SLC2A13: variants seen among roughly 807,000 people sequenced by gnomAD.
The protein encoded by SLC2A13 is proton myo-inositol cotransporter.
SLC2A13 carries 32 observed loss-of-function variants against 64.4 expected under a neutral mutation model. That is an observed-to-expected ratio of 0.50 (90% CI 0.37 to 0.67). SLC2A13 has a LOEUF of 0.67. Ranked by LOEUF, SLC2A13 falls within the 30% of genes least tolerant of loss-of-function variation. The pLI, the probability that SLC2A13 is intolerant of heterozygous loss-of-function variation, is 0.00. For missense variants in SLC2A13, 743 were observed against 829.2 expected, an observed-to-expected ratio of 0.90 and a Z score of 1.28; for synonymous variants, 338 against 327.1, an observed-to-expected ratio of 1.03 and a Z score of -0.36.
At chr12:39,885,451 A>G (rs527274847) in intron 4 of SLC2A13, among the ~76,000 whole-genome samples, 44 of 152,208 alleles carry the variant, frequency 2.9e-4, no homozygotes, top group African/African-American at 9.4e-4. Flanking sequence ...TATTTGGTAT[A>G]TTTTTTCCTT....
intron 6 of SLC2A13, among the ~76,000 whole-genome samples, chr12:39,858,931 T>C (rs1388512158): frequency 6.6e-6 from 1 of 152,164 alleles, no homozygotes; most frequent in Non-Finnish European, 1.5e-5. Context: ...TAAGGTTGCA[T>C]AAAAGTTTTA....
chr12:39,901,008 T>C (rs1001748717), intron 4 of SLC2A13, among the ~76,000 whole-genome samples: 1 of 152,026 alleles, frequency 6.6e-6, no homozygotes, highest in Admixed American at 6.6e-5. Context: ...TCAATGGAAC[T>C]GAACAGAGCC....
At chr12:40,021,918 CT>C (rs1947726352) in intron 3 of SLC2A13, among the ~76,000 whole-genome samples, 1 of 152,144 alleles carries the variant, frequency 6.6e-6, no homozygotes. Context: ...TATTTACCCC[CT>C]CTGACCTCTC....
chr12:40,075,001 TG>T (rs1938114702), intron 1 of SLC2A13, among the ~76,000 whole-genome samples: 1 of 152,206 alleles, frequency 6.6e-6, no homozygotes, highest in Non-Finnish European at 1.5e-5. Flanking sequence ...TTGGGTGCTT[TG>T]CTTACCCCAG....
intron 3 of SLC2A13, among the ~76,000 whole-genome samples, chr12:39,980,669 T>A (rs1946874869): frequency 6.6e-6 from 1 of 150,710 alleles, no homozygotes; most frequent in African/African-American, 2.4e-5. Flanking sequence ...CCCAGATTCA[T>A]AAAGCAAGTC....
intron 4 of SLC2A13, among the ~76,000 whole-genome samples, chr12:39,883,285 C>G (rs576697877): frequency 1.1e-4 from 17 of 152,178 alleles, no homozygotes; most frequent in Non-Finnish European, 1.2e-4. Flanking sequence ...TCTGAATACG[C>G]CTCACCACCA....
chr12:39,885,626 A>C (rs11174134), intron 4 of SLC2A13, among the ~76,000 whole-genome samples: 41,426 of 152,012 alleles, frequency 0.27, 5,908 homozygotes, highest in East Asian at 0.45. Flanking sequence ...GAGAAAAATT[A>C]TCTCTGGCCT....
chr12:40,060,268 G>A (rs1318155059), intron 1 of SLC2A13, among the ~76,000 whole-genome samples: 1 of 152,110 alleles, frequency 6.6e-6, no homozygotes, highest in Non-Finnish European at 1.5e-5. Flanking sequence ...ATTTTCAAAG[G>A]GCTGACTTTA....
At chr12:39,768,537 T>G (rs973422895) in intron 7 of SLC2A13, among the ~76,000 whole-genome samples, 2 of 152,066 alleles carry the variant, frequency 1.3e-5, no homozygotes, top group African/African-American at 4.8e-5. Context: ...CACTTGAACA[T>G]TTAGAGGCCA....
chr12:39,939,472 G>A (rs1045775045), intron 4 of SLC2A13, among the ~76,000 whole-genome samples: 5 of 152,170 alleles, frequency 3.3e-5, no homozygotes, highest in Admixed American at 6.5e-5. Flanking sequence ...CTTATAAACC[G>A]TGTGCACATG....
intron 6 of SLC2A13, among the ~76,000 whole-genome samples, chr12:39,854,621 T>A (rs1213680039): frequency 3.3e-5 from 5 of 152,138 alleles, no homozygotes; most frequent in Non-Finnish European, 7.3e-5. Flanking sequence ...CCAATCTATA[T>A]CCCAAAACTC....
rs370810951 is a variant in SLC2A13 at position 39,756,977 on chromosome 12, A to G, written c.*3049T>C. On this transcript the variant is annotated 3_prime_UTR_variant, in exon 10 of 10. Coordinates refer to ENST00000280871, the MANE Select transcript of SLC2A13 (RefSeq NM_052885.4). ...CATTACCTTTTATTATTTATTATTT[A>G]AATATTTTACATATATTAAAAATAA... The G allele has an allele frequency of 1.3e-5, 2 of 151,682 alleles. No individual in the cohort carries two copies. 9.4% of individuals were successfully genotyped at this position (151,682 alleles called of 1,614,324 possible). A position where few individuals can be genotyped will look rare whatever the true frequency, so the allele number is the denominator to read the frequency against.
chr12:39,885,094 T>G (rs990498928), intron 4 of SLC2A13, among the ~76,000 whole-genome samples: 1 of 152,208 alleles, frequency 6.6e-6, no homozygotes, highest in African/African-American at 2.4e-5. Flanking sequence ...GAGTTGCCTT[T>G]CAGGCAGGGG....
chr12:39,996,764 A>C (rs1472305303), intron 3 of SLC2A13, among the ~76,000 whole-genome samples: 1 of 152,218 alleles, frequency 6.6e-6, no homozygotes, highest in Non-Finnish European at 1.5e-5. Flanking sequence ...GAAGTCAAAA[A>C]TCGGGGTTTG....
At chr12:39,987,494 A>T (rs1158800070) in intron 3 of SLC2A13, among the ~76,000 whole-genome samples, 1 of 152,132 alleles carries the variant, frequency 6.6e-6, no homozygotes, top group Non-Finnish European at 1.5e-5. Flanking sequence ...AATAATAACA[A>T]TAACCTGTTT....
At chr12:39,831,895 G>T (rs1438176242) in intron 6 of SLC2A13, among the ~76,000 whole-genome samples, 1 of 152,110 alleles carries the variant, frequency 6.6e-6, no homozygotes, top group Admixed American at 6.6e-5. Context: ...CCTGGAGAAC[G>T]ATGAGCCAAT....
At chr12:39,949,941 C>G (rs966423459) in intron 4 of SLC2A13, 13 of 152,114 alleles carry the variant, frequency 8.5e-5, no homozygotes, top group African/African-American at 3.1e-4. Context: ...ATCAAACGTG[C>G]CTGGCACTAG....
chr12:39,821,060 C>T (rs184760192), intron 7 of SLC2A13, among the ~76,000 whole-genome samples: 47 of 152,070 alleles, frequency 3.1e-4, no homozygotes, highest in African/African-American at 1.1e-3. Context: ...AATTTTTTAC[C>T]CTTTCTTTCA....
At chr12:40,016,637 C>T (rs144794225) in intron 3 of SLC2A13, among the ~76,000 whole-genome samples, 197 of 152,212 alleles carry the variant, frequency 1.3e-3, no homozygotes, top group African/African-American at 4.6e-3. Context: ...AGTGTACATA[C>T]CTATAATAAG....
Sources: gnomAD v4.1 joint callset for allele counts (sites outside exome capture counted in the v4.1 genomes callset) on GRCh38, gnomAD v4.1.1 for gene constraint, MANE v1.5 for transcripts, NCBI Gene and HGNC (gene_info 2026-07-23, HGNC 2026-07-21) for gene names.